Variants in NAV1 observed in about 807,000 individuals in gnomAD.
The protein encoded by NAV1 is neuron navigator 1, also known as pore membrane and/or filament interacting like protein 3.
NAV1 carries 18 observed loss-of-function variants against 175.2 expected under a neutral mutation model. That is an observed-to-expected ratio of 0.10 (90% CI 0.07 to 0.15). The LOEUF (loss-of-function observed/expected upper bound fraction) is 0.15. Among genes scored for constraint, NAV1 ranks in the 10% least tolerant of loss-of-function variants. The pLI is 1.00. For synonymous variants in NAV1, 897 were observed against 978.7 expected, an observed-to-expected ratio of 0.92 and a Z score of 1.56; for missense variants, 1,731 against 2,436.6, an observed-to-expected ratio of 0.71 and a Z score of 6.10.
At chr1:201,632,224 T>C (rs1668498601) in intron 2 of NAV1, among the ~76,000 whole-genome samples, 1 of 152,216 alleles carries the variant, frequency 6.6e-6, no homozygotes. Flanking sequence ...CAAGGCTTTC[T>C]AGTATTTATA....
intron 2 of NAV1, among the ~76,000 whole-genome samples, chr1:201,597,760 C>T (rs1340035398): frequency 3.3e-5 from 5 of 152,356 alleles, no homozygotes; most frequent in African/African-American, 1.2e-4. Context: ...GGGAAGATTT[C>T]CTGGTCTGTT....
intron 1 of NAV1, among the ~76,000 whole-genome samples, chr1:201,706,035 C>T (rs189654173): frequency 6.6e-6 from 1 of 152,202 alleles, no homozygotes; most frequent in East Asian, 1.9e-4. Flanking sequence ...GCAATGCTCT[C>T]CCTGGCTGGA....
At chr1:201,739,136 A>G (rs568835697) in intron 3 of NAV1, among the ~76,000 whole-genome samples, 23 of 152,242 alleles carry the variant, frequency 1.5e-4, no homozygotes, top group Non-Finnish European at 3.1e-4. Context: ...TTGAAAATGC[A>G]TCCTGGATAA....
chr1:201,592,393 C>T (rs1298317306), intron 2 of NAV1, among the ~76,000 whole-genome samples: 1 of 152,194 alleles, frequency 6.6e-6, no homozygotes, highest in Admixed American at 6.5e-5. Context: ...CCATCACCCA[C>T]AGGCTCCTAG....
Position 201,808,499 on chromosome 1 carries a change from G to C in NAV1, c.3927G>C (p.Glu1309Asp). The C allele has an allele frequency of 6.2e-7, 1 of 1,614,256 alleles. No homozygotes were observed. The highest frequency in any genetic ancestry group is 8.5e-7 in the Non-Finnish European group (1 of 1,180,052). ...AGCCAGAGAAGAAGGAGGTATCGGA[G>C]CTGCGCTCTGAGCTATGGGAGAAGG... is the stretch of plus-strand genomic sequence containing the variant. Residue 1309 changes from glutamate to aspartate, a missense_variant, in exon 19 of 30, where the codon GAG becomes GAC. Glu to Asp is a conservative substitution (Grantham distance 45). This residue lies in a region of NAV1 where 146 missense variants were observed against 176.8 expected (regional missense o/e 0.83). Transcript: ENST00000367296. This position sits in a 1 kb window ranked among gnomAD's most constrained non-coding sequence, Gnocchi z 5.5.
Position 201,750,010 on chromosome 1 carries a change from T to A in NAV1, c.1227-30411T>A, listed in dbSNP as rs912533067. 2.0e-5 allele frequency among the ~76,000 whole-genome samples: 3 copies of A among 152,216 alleles called. No homozygotes were observed. Among genetic ancestry groups the A allele is most frequent in the African/African-American group, 4.8e-5 (2 of 41,462 alleles). The stretch of plus-strand genomic sequence containing the variant: ...ACTCTAGAGGATTTTGCTTTCAGAT[T>A]GCTTTATGTTGTTAAAATTTTGCTC... On this transcript the variant is annotated intron_variant, in intron 3 of 29. Coordinates refer to ENST00000367296, the Ensembl canonical transcript of NAV1. The surrounding 1 kb of genome is among the most constrained non-coding windows in gnomAD (Gnocchi z 4.1).
chr1:201,683,997 G>T (rs774669467), intron 1 of NAV1, among the ~76,000 whole-genome samples: 89 of 152,122 alleles, frequency 5.9e-4, no homozygotes, highest in Non-Finnish European at 1.1e-3. Context: ...CATACTTTGA[G>T]TTATAATCCA....
chr1:201,754,527 G>A (rs1674332452), intron 3 of NAV1, among the ~76,000 whole-genome samples: 1 of 152,196 alleles, frequency 6.6e-6, no homozygotes, highest in Admixed American at 6.5e-5. Flanking sequence ...GTGAAGCAGT[G>A]GAAATGAAAG....
At chr1:201,549,274 C>G (rs1226149003) in intron 1 of NAV1, among the ~76,000 whole-genome samples, 4 of 151,784 alleles carry the variant, frequency 2.6e-5, no homozygotes. Context: ...GTGGAACAAT[C>G]ACAGCACATT....
At position 201,814,310 on chromosome 1, in the gene NAV1, C is replaced by T. The variant is rs183403412; in HGVS notation, c.5340+1052C>T. Among the ~76,000 whole-genome samples the T allele has an allele frequency of 1.5e-3, 232 of 151,278 alleles. 1 individual carries two copies. Among genetic ancestry groups the T allele is most frequent in the African/African-American group, 5.3e-3 (218 of 41,156 alleles). ...ACTTGAGGCCAGGATATACAGGCTA[C>T]AGTGAGCCATGTTCTCACCACTACA... On this transcript the variant is annotated intron_variant, in intron 28 of 29. Coordinates refer to ENST00000367296, the Ensembl canonical transcript of NAV1.
chr1:201,672,687 C>T (rs1312371040), intron 1 of NAV1, among the ~76,000 whole-genome samples: 1 of 152,170 alleles, frequency 6.6e-6, no homozygotes, highest in East Asian at 1.9e-4. Context: ...GCTCTGCTGC[C>T]TTTCAGGGTG....
Position 201,787,534 on chromosome 1 carries a change from T to C in NAV1, c.2996-934T>C, listed in dbSNP as rs963737090. 12 of 403,676 alleles carry C rather than the reference T, an allele frequency of 3.0e-5. No homozygotes were observed. The highest frequency in any genetic ancestry group is 7.0e-4 in the Middle Eastern group (2 of 2,862). 25.0% of individuals were successfully genotyped at this position (403,676 alleles called of 1,614,324 possible). ...GGGGCCAGCTTGTTCTCTATCTCCA[T>C]TGAAGACCAAATAAGAAGAATTGCA... On this transcript the variant is annotated intron_variant, in intron 9 of 29. Transcript: ENST00000367296. The surrounding 1 kb of genome is among the most constrained non-coding windows in gnomAD (Gnocchi z 4.3).
upstream of NAV1, among the ~76,000 whole-genome samples, chr1:201,644,190 A>C (rs1668899790): frequency 6.6e-6 from 1 of 152,152 alleles, no homozygotes. Context: ...TTCATTGATC[A>C]TTGATGGTAG....
chr1:201,714,508 T>C (rs1183528275), intron 2 of NAV1, among the ~76,000 whole-genome samples: 1 of 151,914 alleles, frequency 6.6e-6, no homozygotes, highest in African/African-American at 2.4e-5. Flanking sequence ...GAAAGGGAGG[T>C]GACCAAGGAA....
At chr1:201,805,353 A>G (rs1379176474) in intron 17 of NAV1, among the ~76,000 whole-genome samples, 3 of 152,232 alleles carry the variant, frequency 2.0e-5, no homozygotes, top group Admixed American at 2.0e-4. Context: ...AGTGATTACT[A>G]TAGGCAGGGA....
chr1:201,802,281 C>A (rs1366098516), intron 15 of NAV1, among the ~76,000 whole-genome samples: 1 of 122,900 alleles, frequency 8.1e-6, no homozygotes, highest in Non-Finnish European at 1.6e-5. Flanking sequence ...CTCTAGCCTG[C>A]GCAAGAAGAG....
intron 1 of NAV1, among the ~76,000 whole-genome samples, chr1:201,541,245 T>C (rs1435817552): frequency 6.6e-6 from 1 of 152,228 alleles, no homozygotes; most frequent in African/African-American, 2.4e-5. Flanking sequence ...AGGCACTTTA[T>C]AGATGCTTGC....
chr1:201,786,217 G>C (rs890380287), intron 8 of NAV1, among the ~76,000 whole-genome samples: 2 of 152,126 alleles, frequency 1.3e-5, no homozygotes, highest in Admixed American at 6.5e-5. Flanking sequence ...GGGAATACCT[G>C]CTAGTCCTTC....
chr1:201,732,683 C>T (rs528185295), intron 3 of NAV1, among the ~76,000 whole-genome samples: 42 of 152,364 alleles, frequency 2.8e-4, no homozygotes, highest in Middle Eastern at 3.4e-3. Flanking sequence ...GATATTTGCT[C>T]ATACATTCCA....
Sources: gnomAD v4.1 joint callset for allele counts (sites outside exome capture counted in the v4.1 genomes callset) on GRCh38, gnomAD v4.1.1 for gene constraint, gnomAD v4.1.1 regional missense constraint, Gnocchi (gnomAD v3.1) non-coding constraint, MANE v1.5 for transcripts, NCBI Gene and HGNC (gene_info 2026-07-23, HGNC 2026-07-21) for gene names.